The following RAB5B variants were observed in gnomAD, a reference collection of about 807,000 sequenced individuals.
RAB5B encodes the protein RAB5B, member RAS oncogene family, also known as ras-related protein Rab-5B.
RAB5B carries 11 observed loss-of-function variants against 28.6 expected under a neutral mutation model. The observed-to-expected ratio is 0.38, with a 90% confidence interval of 0.24 to 0.64. RAB5B has a LOEUF of 0.64. Ranked by LOEUF, RAB5B falls within the 30% of genes least tolerant of loss-of-function variation. The pLI is 0.53. For synonymous variants in RAB5B, 93 were observed against 97.9 expected (o/e 0.95, Z 0.29); for missense variants, 169 against 265.6 (o/e 0.64, Z 2.53).
At chr12:55,979,922 A>G (rs930613091) in intron 1 of RAB5B, among the ~76,000 whole-genome samples, 5 of 152,170 alleles carry the variant, frequency 3.3e-5, no homozygotes, top group African/African-American at 7.2e-5. Flanking sequence ...CTGTATGGTA[A>G]CACTTGACAA....
At chr12:55,990,312 G>C in intron 3 of RAB5B, 1 of 511,822 alleles carries the variant, frequency 2.0e-6, no homozygotes, top group East Asian at 4.1e-5. Context: ...GGAGGCTGAG[G>C]CAGGAGAATC....
chr12:55,984,180 G>T (rs1268155378), intron 1 of RAB5B, among the ~76,000 whole-genome samples: 1 of 150,464 alleles, frequency 6.6e-6, no homozygotes, highest in Non-Finnish European at 1.5e-5. Flanking sequence ...AACCACACCC[G>T]GCTAATTTTT....
intron 1 of RAB5B, among the ~76,000 whole-genome samples, chr12:55,982,991 A>ATAGC (rs1460323709): frequency 6.6e-6 from 1 of 152,172 alleles, no homozygotes; most frequent in Non-Finnish European, 1.5e-5. Flanking sequence ...TCTTGAGAGT[A>ATAGC]TAGCATATAT....
At chr12:55,980,784 T>TG in intron 1 of RAB5B, 1 of 1,577,806 alleles carries the variant, frequency 6.3e-7, no homozygotes, top group Admixed American at 1.7e-5. Flanking sequence ...GCTAGGATAA[T>TG]GCCCATGGCT....
chr12:55,992,561 C>T lies in RAB5B; in HGVS notation c.*349C>T, dbSNP rs767225985. 56 of 474,982 alleles carry T rather than the reference C, an allele frequency of 1.2e-4. No individual in the cohort carries two copies. The highest frequency in any genetic ancestry group is 3.0e-4 in the Admixed American group (13 of 42,932). The allele number at this position is 474,982 out of a possible 1,614,324, so 29.4% of individuals were successfully genotyped here. A position where few individuals can be genotyped will look rare whatever the true frequency, so the allele number is the denominator to read the frequency against. ...TTCCTCCCCATTTTTTCAGAAAACACTTCTGACTCCTGTCCCTTCCCCTTC... is the reference window on the plus strand; with the variant it reads ...TTCCTCCCCATTTTTTCAGAAAACATTTCTGACTCCTGTCCCTTCCCCTTC... On this transcript the variant is annotated 3_prime_UTR_variant, in exon 6 of 6. Transcript: ENST00000360299.
rs141821738 is a variant in RAB5B at position 55,993,483 on chromosome 12, A to G, written c.*1271A>G. Reference sequence around the variant, plus strand: ...ATAGCACAGGCCAAGGTAGGGGAGTAAAAAGGAGGTCAGGCAAAAGGGAGG... The same window carrying G: ...ATAGCACAGGCCAAGGTAGGGGAGTGAAAAGGAGGTCAGGCAAAAGGGAGG... On this transcript the variant is annotated 3_prime_UTR_variant, in exon 6 of 6. Transcript: ENST00000360299. 2.6e-5 allele frequency: 4 copies of G among 152,782 alleles called. No individual in the cohort carries two copies. Among genetic ancestry groups the G allele is most frequent in the African/African-American group, 9.6e-5 (4 of 41,576 alleles). 9.5% of individuals were successfully genotyped at this position (152,782 alleles called of 1,614,324 possible).
intron 2 of RAB5B, among the ~76,000 whole-genome samples, chr12:55,988,379 A>T (rs1890015043): frequency 6.6e-6 from 1 of 152,220 alleles, no homozygotes; most frequent in South Asian, 2.1e-4. Flanking sequence ...AATGCAAAAT[A>T]CAAAGGGTGT....
chr12:55,980,375 G>A, intron 1 of RAB5B: 1 of 1,439,320 alleles, frequency 6.9e-7, no homozygotes, highest in Non-Finnish European at 9.8e-7. Flanking sequence ...CTCTGCTGTT[G>A]TCTCCCTCAG....
Position 55,994,408 on chromosome 12 carries a change from G to C in RAB5B, c.*2196G>C, listed in dbSNP as rs1890228322. 1 of 123,950 alleles carries C rather than the reference G, an allele frequency of 8.1e-6. No homozygotes were observed. Among genetic ancestry groups the C allele is most frequent in the Non-Finnish European group, 1.6e-5 (1 of 62,278 alleles). The allele number at this position is 123,950 out of a possible 1,614,324, so 7.7% of individuals were successfully genotyped here. ...CCTCCCCCCACCCCCATAGGAACAG[G>C]ATTTGGCCTTAGCTTCTGGGCCTAT... On this transcript the variant is annotated 3_prime_UTR_variant, in exon 6 of 6. Coordinates refer to ENST00000360299, the MANE Select transcript of RAB5B (RefSeq NM_002868.4).
At chr12:55,991,111 G>A in intron 4 of RAB5B, 1 of 536,870 alleles carries the variant, frequency 1.9e-6, no homozygotes, top group Non-Finnish European at 3.3e-6. Flanking sequence ...CAACCCAAAA[G>A]CCCCCAACTA....
At chr12:55,979,914 G>C (rs1889752258) in intron 1 of RAB5B, among the ~76,000 whole-genome samples, 1 of 152,128 alleles carries the variant, frequency 6.6e-6, no homozygotes, top group Non-Finnish European at 1.5e-5. Flanking sequence ...GCAGTTGGCT[G>C]TATGGTAACA....
intron 2 of RAB5B, among the ~76,000 whole-genome samples, chr12:55,989,498 T>C (rs1366574564): frequency 6.6e-6 from 1 of 152,106 alleles, no homozygotes; most frequent in Non-Finnish European, 1.5e-5. Flanking sequence ...GGTCTCGAAC[T>C]CCTGACCTCA....
Position 55,994,975 on chromosome 12 carries a change from T to G in RAB5B, c.*2763T>G, listed in dbSNP as rs971093200. 1 of 152,226 alleles carries G rather than the reference T, an allele frequency of 6.6e-6. No homozygotes were observed. Among genetic ancestry groups the G allele is most frequent in the Admixed American group, 6.5e-5 (1 of 15,280 alleles). 9.4% of individuals were successfully genotyped at this position (152,226 alleles called of 1,614,324 possible). A position where few individuals can be genotyped will look rare whatever the true frequency, so the allele number is the denominator to read the frequency against. ...TCAAATCAAACCCTATTATATCTTT[T>G]TAGGCCCTCTTAACAGAATGTATAT... On this transcript the variant is annotated 3_prime_UTR_variant, in exon 6 of 6. Coordinates refer to ENST00000360299, the MANE Select transcript of RAB5B (RefSeq NM_002868.4).
rs1890245004 is a variant in RAB5B, at chr12:55,994,991, GAA to G, written c.*2780_*2781del. ...TATATCTTTTTAGGCCCTCTTAACA[GAA>G]TGTATATGTGTAGGGTATGGTCTGT... On this transcript the variant is annotated 3_prime_UTR_variant, in exon 6 of 6. Coordinates refer to ENST00000360299, the MANE Select transcript of RAB5B (RefSeq NM_002868.4). The G allele has an allele frequency of 6.6e-6, 1 of 152,024 alleles. No homozygotes were observed. The highest frequency in any genetic ancestry group is 1.5e-5 in the Non-Finnish European group (1 of 68,020). 9.4% of individuals were successfully genotyped at this position (152,024 alleles called of 1,614,324 possible).
intron 1 of RAB5B, among the ~76,000 whole-genome samples, chr12:55,977,229 C>A (rs1229520632): frequency 6.6e-6 from 1 of 152,110 alleles, no homozygotes; most frequent in African/African-American, 2.4e-5. Context: ...CGTGCCTCAG[C>A]CTCCCAAAGC....
rs189329398 is a variant in RAB5B, at chr12:55,980,927, G to A, written c.-92-5942G>A. On this transcript the variant is annotated intron_variant, in intron 1 of 5. Coordinates refer to ENST00000360299, the MANE Select transcript of RAB5B (RefSeq NM_002868.4). ...ATCAATTCCGATGGTGGAGATGTAA[G>A]TGTTGTTGAAGTTGTCCTCTGCAAA... 1.1e-3 allele frequency: 1,748 copies of A among 1,613,574 alleles called. 21 individuals carry two copies. The South Asian group carries it at 0.012, about 11-fold the overall frequency.
chr12:55,987,747 C>T (rs1889993112), intron 2 of RAB5B, among the ~76,000 whole-genome samples: 1 of 151,566 alleles, frequency 6.6e-6, no homozygotes, highest in Non-Finnish European at 1.5e-5. Context: ...AGGAGAATCA[C>T]TTGAACCCAG....
At chr12:55,976,771 G>T (rs1889656701) in intron 1 of RAB5B, among the ~76,000 whole-genome samples, 1 of 152,132 alleles carries the variant, frequency 6.6e-6, no homozygotes, top group African/African-American at 2.4e-5. Context: ...ATCTGGATTT[G>T]AAATCGGTTT....
intron 1 of RAB5B, among the ~76,000 whole-genome samples, chr12:55,986,452 G>A (rs907989065): frequency 1.3e-5 from 2 of 151,946 alleles, no homozygotes; most frequent in African/African-American, 4.8e-5. Context: ...CAAAAAAAAA[G>A]AAGAAAAGGA....
Sources: gnomAD v4.1 joint callset for allele counts (sites outside exome capture counted in the v4.1 genomes callset) on GRCh38, gnomAD v4.1.1 for gene constraint, MANE v1.5 for transcripts, NCBI Gene and HGNC (gene_info 2026-07-23, HGNC 2026-07-21) for gene names.